PLPPR5: variants seen among roughly 807,000 people sequenced by gnomAD.
The protein encoded by PLPPR5 is phospholipid phosphatase related 5, also known as phospholipid phosphatase-related protein type 5.
PLPPR5 carries 16 observed loss-of-function variants against 33.9 expected under a neutral mutation model. That is an observed-to-expected ratio of 0.47 (90% CI 0.32 to 0.72). The LOEUF is 0.72. Among genes scored for constraint, PLPPR5 ranks in the 30% least tolerant of loss-of-function variants. PLPPR5 has a pLI of 0.03. For missense variants in PLPPR5, 301 were observed against 406.7 expected, an observed-to-expected ratio of 0.74 and a Z score of 2.23; for synonymous variants, 163 against 150.3, an observed-to-expected ratio of 1.08 and a Z score of -0.62.
chr1:98,970,963 T>C (rs1211609600), intron 1 of PLPPR5, among the ~76,000 whole-genome samples: 1 of 152,112 alleles, frequency 6.6e-6, no homozygotes, highest in East Asian at 1.9e-4. Flanking sequence ...TATAATTTCT[T>C]CCAATAAGCT....
chr1:98,983,182 A>T (rs1293143647), intron 1 of PLPPR5, among the ~76,000 whole-genome samples: 6 of 150,016 alleles, frequency 4.0e-5, no homozygotes, highest in Admixed American at 1.3e-4. Context: ...GGTGCGCTGC[A>T]CCCACTAACT....
intron 1 of PLPPR5, among the ~76,000 whole-genome samples, chr1:98,990,377 A>C (rs1175491524): frequency 6.6e-6 from 1 of 152,118 alleles, no homozygotes; most frequent in Non-Finnish European, 1.5e-5. Flanking sequence ...TCCCAAAATA[A>C]AACAAAACAA....
Position 98,922,063 on chromosome 1 carries a change from A to G in PLPPR5, c.622-5T>C. On this transcript the variant is annotated splice_region_variant and splice_polypyrimidine_tract_variant and intron_variant, in intron 3 of 5. Transcript: ENST00000263177. Reference sequence around the variant, plus strand: ...GATTGTGTTGGTGATGTACATCTGAAACATTCAATAAAAAAAATGACTTTT... The same window carrying G: ...GATTGTGTTGGTGATGTACATCTGAGACATTCAATAAAAAAAATGACTTTT... 1 of 1,540,778 alleles carries G rather than the reference A, an allele frequency of 6.5e-7. No homozygotes were observed. The highest frequency in any genetic ancestry group is 8.7e-7 in the Non-Finnish European group (1 of 1,145,718).
At position 98,890,577 on chromosome 1, in the gene PLPPR5, T is replaced by C. The variant is rs531568805; in HGVS notation, c.*2495A>G. ...TATACTGACCTGGGCCCCAAGTAAG[T>C]AGAATAAAAAGGAGATGTTTTTATC... On this transcript the variant is annotated 3_prime_UTR_variant, in exon 6 of 6. Transcript: ENST00000263177. 26 of 152,676 alleles carry C rather than the reference T, an allele frequency of 1.7e-4. 1 individual carries two copies. The highest frequency in any genetic ancestry group is 6.8e-3 in the Middle Eastern group (2 of 294). 9.5% of individuals were successfully genotyped at this position (152,676 alleles called of 1,614,324 possible). A position where few individuals can be genotyped will look rare whatever the true frequency, so the allele number is the denominator to read the frequency against.
chr1:98,938,171 G>A (rs886917612), intron 3 of PLPPR5, among the ~76,000 whole-genome samples: 2 of 151,842 alleles, frequency 1.3e-5, no homozygotes, highest in Non-Finnish European at 2.9e-5. Context: ...GAAAAAAAAA[G>A]ACATGATAGC....
chr1:98,904,234 T>C (rs1648808819), intron 5 of PLPPR5, among the ~76,000 whole-genome samples: 1 of 151,710 alleles, frequency 6.6e-6, no homozygotes, highest in Non-Finnish European at 1.5e-5. Flanking sequence ...AACTGAATCT[T>C]GTAAACTATT....
At chr1:98,975,253 G>C (rs549531366) in intron 1 of PLPPR5, among the ~76,000 whole-genome samples, 1 of 152,192 alleles carries the variant, frequency 6.6e-6, no homozygotes, top group African/African-American at 2.4e-5. Flanking sequence ...GTAGGACTCT[G>C]CCTCACCCTG....
intron 1 of PLPPR5, among the ~76,000 whole-genome samples, chr1:99,000,186 T>G (rs1372719068): frequency 6.6e-6 from 1 of 152,182 alleles, no homozygotes; most frequent in Non-Finnish European, 1.5e-5. Context: ...GTACCTATTT[T>G]CAAAGAGTAT....
At chr1:98,958,680 C>A (rs1202573059) in intron 1 of PLPPR5, among the ~76,000 whole-genome samples, 3 of 152,152 alleles carry the variant, frequency 2.0e-5, no homozygotes, top group African/African-American at 4.8e-5. Flanking sequence ...GTGTTTGATA[C>A]CTTATCTCTC....
At chr1:98,954,589 T>A (rs1168923067) in intron 2 of PLPPR5, among the ~76,000 whole-genome samples, 3 of 152,110 alleles carry the variant, frequency 2.0e-5, no homozygotes, top group Non-Finnish European at 4.4e-5. Context: ...AAAGTTTACA[T>A]ACAAAAACCC....
intron 3 of PLPPR5, among the ~76,000 whole-genome samples, chr1:98,940,847 A>C (rs1650343485): frequency 2.0e-5 from 3 of 151,978 alleles, no homozygotes; most frequent in Admixed American, 2.0e-4. Context: ...TGGAAGAGGG[A>C]GGAGCTGAGA....
chr1:98,950,705 A>ACAGGC (rs1440568261), intron 3 of PLPPR5, among the ~76,000 whole-genome samples: 3 of 152,174 alleles, frequency 2.0e-5, no homozygotes, highest in Non-Finnish European at 4.4e-5. Flanking sequence ...TTATTTAGAG[A>ACAGGC]CAGGGTCTTG....
intron 5 of PLPPR5, among the ~76,000 whole-genome samples, chr1:98,894,952 A>C (rs1201489551): frequency 2.0e-5 from 3 of 152,206 alleles, no homozygotes; most frequent in East Asian, 3.9e-4. Flanking sequence ...TAATAACTGT[A>C]GGGTGACCAT....
rs1403819257 is a variant in PLPPR5, at chr1:98,921,869, A to G, written c.798+13T>C. The G allele has an allele frequency of 3.8e-6, 6 of 1,595,284 alleles. No homozygotes were observed. The highest frequency in any genetic ancestry group is 5.1e-6 in the Non-Finnish European group (6 of 1,171,342). On this transcript the variant is annotated intron_variant, in intron 4 of 5. Transcript: ENST00000263177. ...TTAAAAACCCAATGATATATAAATA[A>G]ATTTGTACTTACCAGAAATACTGCT...
At chr1:98,997,208 G>C (rs1476683106) in intron 1 of PLPPR5, among the ~76,000 whole-genome samples, 1 of 152,002 alleles carries the variant, frequency 6.6e-6, no homozygotes, top group Non-Finnish European at 1.5e-5. Context: ...ACTCTTATCA[G>C]GTATCAGGTT....
chr1:99,001,133 CTTTTT>C (rs72190147), intron 1 of PLPPR5, among the ~76,000 whole-genome samples: 1 of 134,886 alleles, frequency 7.4e-6, no homozygotes, highest in Non-Finnish European at 1.6e-5. Context: ...GTTCCCAACT[CTTTTT>C]TTTTTTTTTT....
chr1:98,979,765 T>C (rs1355827242), intron 1 of PLPPR5, among the ~76,000 whole-genome samples: 2 of 152,080 alleles, frequency 1.3e-5, no homozygotes, highest in African/African-American at 4.8e-5. Context: ...CACCATGTTC[T>C]ATACTTTTCC....
chr1:98,899,671 T>C lies in PLPPR5; in HGVS notation c.934-6567A>G, dbSNP rs796790019. Reference sequence around the variant, plus strand: ...TTTATTTCACTTGTTTTTTTTTTTTTTTTTTGAGACGGAATCTTGCTCTGT... The same window carrying C: ...TTTATTTCACTTGTTTTTTTTTTTTCTTTTTGAGACGGAATCTTGCTCTGT... On this transcript the variant is annotated intron_variant, in intron 5 of 5. Coordinates refer to ENST00000263177, the MANE Select transcript of PLPPR5 (RefSeq NM_001037317.2). Among the ~76,000 whole-genome samples the C allele has an allele frequency of 7.2e-4, 109 of 150,988 alleles. 1 individual carries two copies. The highest frequency in any genetic ancestry group is 2.6e-3 in the African/African-American group (105 of 41,034).
At chr1:98,988,762 C>T (rs1388875628) in intron 1 of PLPPR5, among the ~76,000 whole-genome samples, 2 of 152,068 alleles carry the variant, frequency 1.3e-5, no homozygotes, top group African/African-American at 4.8e-5. Context: ...AAGATTCTTG[C>T]TTCTCTTAAG....
Sources: allele counts gnomAD v4.1 joint callset (sites outside exome capture counted in the v4.1 genomes callset), GRCh38; gene constraint gnomAD v4.1.1; transcripts MANE v1.5; gene names NCBI Gene and HGNC (gene_info 2026-07-23, HGNC 2026-07-21).